Variants in FHL5 observed in about 807,000 individuals in gnomAD.
FHL5 encodes the protein four and a half LIM domains 5.
A neutral mutation model predicts 32.0 loss-of-function variants in FHL5; 33 were observed. The ratio of observed to expected loss-of-function variants is 1.03; its 90% CI spans 0.78 to 1.38. FHL5 has a LOEUF of 1.38. FHL5 is among the 40% of genes most tolerant of loss of function. The pLI, the probability that FHL5 is intolerant of heterozygous loss-of-function variation, is 0.00. For synonymous variants in FHL5, 114 were observed against 113.6 expected (o/e 1.00, Z -0.02); for missense variants, 336 against 343.9 (o/e 0.98, Z 0.18).
chr6:96,584,459 GTT>G (rs71012566), intron 1 of FHL5, among the ~76,000 whole-genome samples: 203 of 138,044 alleles, frequency 1.5e-3, no homozygotes, highest in Middle Eastern at 3.7e-3. Flanking sequence ...GTGTGTGTGT[GTT>G]TGTGTGTGTG....
intron 5 of FHL5, among the ~76,000 whole-genome samples, chr6:96,611,382 CAT>C (rs1162025590): frequency 6.6e-6 from 1 of 151,922 alleles, no homozygotes; most frequent in African/African-American, 2.4e-5. Context: ...AAAAATGTGA[CAT>C]GATTTGAAAA....
At chr6:96,606,420 C>T (rs930689008) in intron 4 of FHL5, among the ~76,000 whole-genome samples, 27 of 152,184 alleles carry the variant, frequency 1.8e-4, no homozygotes, top group African/African-American at 4.6e-4. Context: ...GGTACAATCT[C>T]GGCTCACTGC....
rs1339579074 is a variant in FHL5 at position 96,605,061 on chromosome 6, C to T, written c.334+137C>T. 9 of 521,156 alleles carry T rather than the reference C, an allele frequency of 1.7e-5. No homozygotes were observed. In the South Asian group the frequency reaches 2.0e-4, roughly 12 times the overall value. 32.3% of individuals were successfully genotyped at this position (521,156 alleles called of 1,614,324 possible). A position where few individuals can be genotyped will look rare whatever the true frequency, so the allele number is the denominator to read the frequency against. ...CTTTCTTACTCTCTCAATCTTCTTCCGTGTACTTTAGAAATAAAAAGATTA... is the reference window on the plus strand; with the variant it reads ...CTTTCTTACTCTCTCAATCTTCTTCTGTGTACTTTAGAAATAAAAAGATTA... On this transcript the variant is annotated intron_variant, in intron 3 of 5. Transcript: ENST00000450218.
intron 1 of FHL5, among the ~76,000 whole-genome samples, chr6:96,588,745 C>T (rs1770853016): frequency 1.3e-5 from 2 of 151,902 alleles, no homozygotes. Context: ...TTTTAATTCA[C>T]TTATTGATTC....
chr6:96,607,166 AAT>A (rs1274644688), intron 4 of FHL5, among the ~76,000 whole-genome samples: 2 of 152,156 alleles, frequency 1.3e-5, no homozygotes, highest in African/African-American at 2.4e-5. Context: ...CATTCCATAA[AAT>A]ATATATGGAG....
chr6:96,604,307 T>TTC (rs3839356), intron 2 of FHL5, among the ~76,000 whole-genome samples: 7,331 of 145,834 alleles, frequency 0.05, 167 homozygotes, highest in South Asian at 0.1. Flanking sequence ...TCCTCTCTCT[T>TTC]TCTCTCTCTC....
At position 96,610,698 on chromosome 6, in the gene FHL5, G is replaced by C. The variant is rs2252816; in HGVS notation, c.631G>C (p.Val211Leu). ...FMSRDDYPFC[V>L]DCYNHLYANK... is the part of the protein sequence containing the mutation. ...GTCCAGAGACGACTATCCATTCTGC[G>C]TGGACTGCTACAACCATCTTTATGC... The change falls in exon 5 of 6, where the codon GTG (valine) becomes CTG (leucine). Residue 211 changes from valine (V) to leucine (L), a missense_variant. Val to Leu is a conservative substitution (Grantham distance 32). Coordinates refer to ENST00000450218, the MANE Select transcript of FHL5 (RefSeq NM_001322466.2). 4 of 1,613,672 alleles carry C rather than the reference G, an allele frequency of 2.5e-6. No individual in the cohort carries two copies. Among genetic ancestry groups the C allele is most frequent in the Non-Finnish European group, 2.5e-6 (3 of 1,179,726 alleles).
Position 96,618,416 on chromosome 6 carries a change from G to A in FHL5, c.*2644G>A, listed in dbSNP as rs1771564500. Among the ~76,000 whole-genome samples the A allele has an allele frequency of 6.6e-6, 1 of 152,190 alleles. No homozygotes were observed. The highest frequency in any genetic ancestry group is 1.9e-4 in the East Asian group (1 of 5,192). On this transcript the variant is annotated 3_prime_UTR_variant, in exon 6 of 6. Transcript: ENST00000450218. ...CTAAAAGAGAAAGAGTCAGAGGAAG[G>A]GAGAATATTAACTCTTAGGATAAAA...
rs147515063 is a variant in FHL5, at chr6:96,588,504, T to G, written c.-12-15098T>G. 1.9e-3 allele frequency among the ~76,000 whole-genome samples: 292 copies of G among 152,340 alleles called. 1 individual carries two copies. The highest frequency in any genetic ancestry group is 6.8e-3 in the African/African-American group (284 of 41,600). On this transcript the variant is annotated intron_variant, in intron 1 of 5. Transcript: ENST00000450218. ...GCATCAGCCACTGCGCCTGGCCTCC[T>G]GTTATTTCTTTGTCCTCACCAACAT...
chr6:96,610,484 C>T lies in FHL5; in HGVS notation c.505-88C>T, dbSNP rs1771375937. The T allele has an allele frequency of 4.2e-6, 4 of 946,524 alleles. No individual in the cohort carries two copies. The African/African-American group carries it at 4.9e-5, about 12-fold the overall frequency. The allele number at this position is 946,524 out of a possible 1,614,324, so 58.6% of individuals were successfully genotyped here. On this transcript the variant is annotated intron_variant, in intron 4 of 5. Coordinates refer to ENST00000450218, the MANE Select transcript of FHL5 (RefSeq NM_001322466.2). Reference sequence around the variant, plus strand: ...TTTTCTTTTTGCTTCCTTTTCTCCCCAGAGATACTAGGATCTCAAAAGAAT... The same window carrying T: ...TTTTCTTTTTGCTTCCTTTTCTCCCTAGAGATACTAGGATCTCAAAAGAAT...
intron 1 of FHL5, among the ~76,000 whole-genome samples, chr6:96,593,069 AT>A (rs1439487430): frequency 6.6e-6 from 1 of 151,836 alleles, no homozygotes; most frequent in African/African-American, 2.4e-5. Context: ...ATCATGCTTA[AT>A]TTTATTTTCT....
chr6:96,567,180 A>G (rs888514495), intron 1 of FHL5, among the ~76,000 whole-genome samples: 5 of 151,824 alleles, frequency 3.3e-5, no homozygotes, highest in Non-Finnish European at 7.4e-5. Flanking sequence ...TGTGAGGTAG[A>G]AATACAGTTT....
intron 5 of FHL5, among the ~76,000 whole-genome samples, chr6:96,611,106 G>C (rs1055078577): frequency 6.6e-6 from 1 of 152,132 alleles, no homozygotes; most frequent in Non-Finnish European, 1.5e-5. Context: ...TTTTGAGTGG[G>C]AGGAGAAGAG....
In FHL5 at chr6:96,610,642, G is replaced by C. The variant is rs1435881577; in HGVS notation, c.575G>C (p.Cys192Ser). 1 of 1,613,598 alleles carries C rather than the reference G, an allele frequency of 6.2e-7. No homozygotes were observed. Among genetic ancestry groups the C allele is most frequent in the East Asian group, 2.2e-5 (1 of 44,866 alleles). Reference protein sequence around the residue: ...WHKECFLCSGCRKDLCEEQFM... With the variant: ...WHKECFLCSGSRKDLCEEQFM... ...AAAGAGTGTTTTCTGTGTAGTGGCT[G>C]TAGGAAAGATCTCTGTGAAGAACAG... Residue 192 changes from cysteine to serine, a missense_variant, in exon 5 of 6, where the codon TGT becomes TCT. Cys to Ser is a moderately radical substitution (Grantham distance 112). Transcript: ENST00000450218.
At chr6:96,587,246 A>T (rs1406611148) in intron 1 of FHL5, among the ~76,000 whole-genome samples, 2 of 149,098 alleles carry the variant, frequency 1.3e-5, no homozygotes, top group Non-Finnish European at 2.9e-5. Flanking sequence ...CTCATCAAAC[A>T]AGAGCAATTT....
chr6:96,573,279 A>T (rs1770518397), intron 1 of FHL5, among the ~76,000 whole-genome samples: 1 of 152,080 alleles, frequency 6.6e-6, no homozygotes, highest in Non-Finnish European at 1.5e-5. Context: ...ATCAATTTTG[A>T]CCAAATGCCT....
chr6:96,589,465 T>C (rs572793928), intron 1 of FHL5, among the ~76,000 whole-genome samples: 1 of 152,238 alleles, frequency 6.6e-6, no homozygotes, highest in South Asian at 2.1e-4. Flanking sequence ...AACATTTTCA[T>C]GTTTATTAGC....
chr6:96,602,312 C>T (rs1771164391), intron 1 of FHL5, among the ~76,000 whole-genome samples: 1 of 151,678 alleles, frequency 6.6e-6, no homozygotes, highest in Non-Finnish European at 1.5e-5. Flanking sequence ...TCCAGTAAAC[C>T]CTGAGATGAC....
intron 1 of FHL5, among the ~76,000 whole-genome samples, chr6:96,577,933 T>G (rs1444528854): frequency 1.3e-5 from 2 of 150,788 alleles, no homozygotes; most frequent in Non-Finnish European, 1.5e-5. Flanking sequence ...TTTGTCAGCT[T>G]CTTCTTTCAA....
Sources: allele counts gnomAD v4.1 joint callset (sites outside exome capture counted in the v4.1 genomes callset), GRCh38; gene constraint gnomAD v4.1.1; transcripts MANE v1.5; gene names NCBI Gene and HGNC (gene_info 2026-07-23, HGNC 2026-07-21).